HTR4: variants seen among roughly 807,000 people sequenced by gnomAD.
HTR4 encodes 5-hydroxytryptamine (serotonin) receptor 4, G protein-coupled.
In HTR4, 16 loss-of-function variants were observed where a neutral mutation model predicts 36.8. That is an observed-to-expected ratio of 0.43 (90% CI 0.29 to 0.66). The LOEUF (loss-of-function observed/expected upper bound fraction) is 0.66. Ranked by LOEUF, HTR4 falls within the 30% of genes least tolerant of loss-of-function variation. The pLI is 0.13. For synonymous variants in HTR4, 189 were observed against 185.1 expected (o/e 1.02, Z -0.17); for missense variants, 438 against 490.9 (o/e 0.89, Z 1.02).
At position 148,484,234 on chromosome 5, in the gene HTR4, A is replaced by G. The variant is rs548880833; in HGVS notation, c.1077-941T>C. On this transcript the variant is annotated intron_variant, in intron 6 of 6. Coordinates refer to ENST00000377888, the MANE Select transcript of HTR4 (RefSeq NM_000870.7). The stretch of plus-strand genomic sequence containing the variant: ...TCAGGCAAGGTAAAAAATGTTGAGC[A>G]AGATAAAACAGAGAATCATAGTTAC... 72 of 1,602,120 alleles carry G rather than the reference A, an allele frequency of 4.5e-5. 1 individual carries two copies. The South Asian group carries it at 5.3e-4, about 12-fold the overall frequency.
chr5:148,603,534 T>C (rs149071062), intron 2 of HTR4, among the ~76,000 whole-genome samples: 1 of 152,016 alleles, frequency 6.6e-6, no homozygotes, highest in African/African-American at 2.4e-5. Context: ...CTAGCCAGTA[T>C]GATGAGGTAA....
intron 2 of HTR4, among the ~76,000 whole-genome samples, chr5:148,552,359 T>C (rs904544719): frequency 6.6e-6 from 1 of 152,210 alleles, no homozygotes; most frequent in Non-Finnish European, 1.5e-5. Context: ...AAGATTTAAT[T>C]CAATGAGGAA....
intron 4 of HTR4, among the ~76,000 whole-genome samples, chr5:148,526,341 T>A (rs1228078710): frequency 6.6e-6 from 1 of 152,238 alleles, no homozygotes; most frequent in African/African-American, 2.4e-5. Flanking sequence ...TCATTCAATA[T>A]ACTTTCAGAT....
intron 2 of HTR4, among the ~76,000 whole-genome samples, chr5:148,592,912 T>C (rs926247918): frequency 2.6e-5 from 4 of 152,188 alleles, no homozygotes; most frequent in Non-Finnish European, 4.4e-5. Context: ...TTATTTTCCT[T>C]TGACAATTTT....
At chr5:148,510,278 A>C (rs1223787102) in intron 5 of HTR4, among the ~76,000 whole-genome samples, 1 of 152,202 alleles carries the variant, frequency 6.6e-6, no homozygotes, top group East Asian at 1.9e-4. Flanking sequence ...CAATACAAAG[A>C]ACCTTGATGA....
rs1002194298 is a variant in HTR4, at chr5:148,633,472, G to A, written c.26+3517C>T. On this transcript the variant is annotated intron_variant, in intron 2 of 6. Coordinates refer to ENST00000377888, the MANE Select transcript of HTR4 (RefSeq NM_000870.7). ...GTATACATGTGCCATGCTGGTGTGC[G>A]CACCCATTAACTCATCATCTAGCAT... Among the ~76,000 whole-genome samples, 8 of 151,068 alleles carry A rather than the reference G, an allele frequency of 5.3e-5. No individual in the cohort carries two copies. In the South Asian group the frequency reaches 6.3e-4, roughly 12 times the overall value.
intron 5 of HTR4, chr5:148,451,352 C>T: frequency 1.9e-6 from 3 of 1,600,908 alleles, no homozygotes; most frequent in Admixed American, 3.4e-5. Context: ...TCCTTCTACT[C>T]TTGACTTCCT....
intron 6 of HTR4, among the ~76,000 whole-genome samples, chr5:148,494,260 G>C (rs1409056537): frequency 6.6e-6 from 1 of 152,160 alleles, no homozygotes; most frequent in Non-Finnish European, 1.5e-5. Flanking sequence ...AGCAATTTCT[G>C]CACCATGGGG....
At chr5:148,490,444 G>A (rs1184478051) in intron 6 of HTR4, among the ~76,000 whole-genome samples, 1 of 151,910 alleles carries the variant, frequency 6.6e-6, no homozygotes, top group Admixed American at 6.6e-5. Flanking sequence ...AATATTTCCA[G>A]AAATTCTCCA....
At chr5:148,462,741 C>A (rs1009145334) in intron 5 of HTR4, among the ~76,000 whole-genome samples, 2 of 152,038 alleles carry the variant, frequency 1.3e-5, no homozygotes, top group African/African-American at 4.8e-5. Context: ...CTCTTGTGAA[C>A]ATAGATGCAA....
intron 4 of HTR4, among the ~76,000 whole-genome samples, chr5:148,530,133 A>G (rs1237487311): frequency 6.6e-6 from 1 of 152,224 alleles, no homozygotes; most frequent in Middle Eastern, 3.2e-3. Flanking sequence ...GAAAATTTGC[A>G]GCCTGACAAT....
chr5:148,498,512 T>C (rs1370091964), intron 6 of HTR4, among the ~76,000 whole-genome samples: 1 of 152,208 alleles, frequency 6.6e-6, no homozygotes, highest in Non-Finnish European at 1.5e-5. Context: ...GTTATACAGA[T>C]ACTATGTTAG....
chr5:148,487,349 C>T (rs1382310808), intron 6 of HTR4, among the ~76,000 whole-genome samples: 1 of 151,406 alleles, frequency 6.6e-6, no homozygotes, highest in Non-Finnish European at 1.5e-5. Context: ...ATGAAACAGA[C>T]TTACAATTAC....
chr5:148,466,054 CTT>C, intron 5 of HTR4: 1 of 1,502,182 alleles, frequency 6.7e-7, no homozygotes, highest in Non-Finnish European at 8.9e-7. Flanking sequence ...TGCCAATATT[CTT>C]AAAGTGCTTT....
At chr5:148,453,078 G>T (rs1561556382) in intron 5 of HTR4, among the ~76,000 whole-genome samples, 2 of 152,334 alleles carry the variant, frequency 1.3e-5, no homozygotes, top group South Asian at 4.1e-4. Context: ...GCTCCTGTGA[G>T]CTTTCTGTCT....
intron 5 of HTR4, among the ~76,000 whole-genome samples, chr5:148,455,130 A>G (rs1328306037): frequency 1.3e-5 from 2 of 152,110 alleles, no homozygotes; most frequent in Non-Finnish European, 2.9e-5. Context: ...TACTTTTTAT[A>G]CTCACTAAGT....
chr5:148,505,947 C>A (rs541175782), intron 6 of HTR4, among the ~76,000 whole-genome samples: 4 of 152,204 alleles, frequency 2.6e-5, no homozygotes, highest in East Asian at 3.9e-4. Context: ...GGCCATACTG[C>A]CCAAGGTAAT....
chr5:148,489,971 A>G (rs765254605), intron 6 of HTR4, among the ~76,000 whole-genome samples: 45 of 152,000 alleles, frequency 3.0e-4, no homozygotes, highest in Admixed American at 1.2e-3. Context: ...TTATGGCTAT[A>G]TTATATACAT....
At chr5:148,552,703 C>T (rs1399769150) in intron 2 of HTR4, among the ~76,000 whole-genome samples, 2 of 152,210 alleles carry the variant, frequency 1.3e-5, no homozygotes, top group African/African-American at 2.4e-5. Context: ...GAAATGACTT[C>T]TGTTATTGTT....
Sources: allele counts gnomAD v4.1 joint callset (sites outside exome capture counted in the v4.1 genomes callset), GRCh38; gene constraint gnomAD v4.1.1; transcripts MANE v1.5; gene names NCBI Gene and HGNC (gene_info 2026-07-23, HGNC 2026-07-21).